COLEC12: variants seen among roughly 807,000 people sequenced by gnomAD.
COLEC12 encodes collectin-12.
COLEC12 carries 33 observed loss-of-function variants against 71.1 expected under a neutral mutation model. That is an observed-to-expected ratio of 0.46 (90% CI 0.35 to 0.62). The LOEUF (loss-of-function observed/expected upper bound fraction) is 0.62. Ranked by LOEUF, COLEC12 falls within the 20% of genes least tolerant of loss-of-function variation. The pLI is 0.00. For synonymous variants in COLEC12, 350 were observed against 353.0 expected, an observed-to-expected ratio of 0.99 and a Z score of 0.10; for missense variants, 765 against 916.1, an observed-to-expected ratio of 0.84 and a Z score of 2.13.
intron 5 of COLEC12, among the ~76,000 whole-genome samples, chr18:345,461 C>T (rs1334556733): frequency 1.3e-5 from 2 of 152,190 alleles, no homozygotes; most frequent in African/African-American, 4.8e-5. Context: ...GATCCTCCCA[C>T]CTCAGCCTCC....
rs16942920 is a variant in COLEC12, at chr18:340,940, T to C, written c.1327+5355A>G. Among the ~76,000 whole-genome samples, 1,045 of 152,308 alleles carry C rather than the reference T, an allele frequency of 6.9e-3. 11 individuals are homozygous for C. The highest frequency in any genetic ancestry group is 0.024 in the African/African-American group (983 of 41,554). ...ACCACTGTTTCTTGCCAATTGTCCA[T>C]GGTCTGCTTCTGAGCCTGTTAATGG... On this transcript the variant is annotated intron_variant, in intron 5 of 9. Transcript: ENST00000400256.
chr18:476,332 T>G (rs1056349081), intron 2 of COLEC12, among the ~76,000 whole-genome samples: 1 of 152,258 alleles, frequency 6.6e-6, no homozygotes, highest in Non-Finnish European at 1.5e-5. Flanking sequence ...TAATAATTCC[T>G]ATGCCTGAGC....
chr18:498,909 T>C (rs1002138349), intron 1 of COLEC12, among the ~76,000 whole-genome samples: 2 of 152,178 alleles, frequency 1.3e-5, no homozygotes, highest in African/African-American at 2.4e-5. Flanking sequence ...TCAAGTGCAA[T>C]AGCGGTCCTT....
At chr18:459,053 G>A (rs1176897635) in intron 2 of COLEC12, among the ~76,000 whole-genome samples, 1 of 152,136 alleles carries the variant, frequency 6.6e-6, no homozygotes, top group Non-Finnish European at 1.5e-5. Context: ...AGGTCTCCCT[G>A]TGTTGTCCAG....
intron 2 of COLEC12, among the ~76,000 whole-genome samples, chr18:422,464 G>A (rs1916116951): frequency 6.6e-6 from 1 of 152,022 alleles, no homozygotes; most frequent in Non-Finnish European, 1.5e-5. Context: ...TGAATAAAAT[G>A]TTTATTAAGT....
Position 318,126 on chromosome 18 carries a change from G to A in COLEC12, c.*1919C>T, listed in dbSNP as rs1019165016. On this transcript the variant is annotated 3_prime_UTR_variant, in exon 10 of 10. Coordinates refer to ENST00000400256, the MANE Select transcript of COLEC12 (RefSeq NM_130386.3). ...CGAGTAGCTGGGACTACAGGCGCCC[G>A]CCACCGCGCCCGGCTAATTTTTTTT... is the stretch of plus-strand genomic sequence containing the variant. 6 of 92,590 alleles carry A rather than the reference G, an allele frequency of 6.5e-5. No individual in the cohort carries two copies. The highest frequency in any genetic ancestry group is 1.5e-4 in the Non-Finnish European group (6 of 41,024). 5.7% of individuals were successfully genotyped at this position (92,590 alleles called of 1,614,324 possible).
At chr18:435,065 T>C (rs1171992492) in intron 2 of COLEC12, among the ~76,000 whole-genome samples, 1 of 152,232 alleles carries the variant, frequency 6.6e-6, no homozygotes, top group Non-Finnish European at 1.5e-5. Context: ...TATTCTGATA[T>C]TTTAATTCTT....
intron 2 of COLEC12, among the ~76,000 whole-genome samples, chr18:411,194 T>C (rs918292817): frequency 6.6e-6 from 1 of 152,180 alleles, no homozygotes; most frequent in African/African-American, 2.4e-5. Flanking sequence ...ACCTAAGCAG[T>C]AATGAGGTGA....
At chr18:340,129 A>C (rs923471491) in intron 5 of COLEC12, among the ~76,000 whole-genome samples, 1 of 151,204 alleles carries the variant, frequency 6.6e-6, no homozygotes, top group Non-Finnish European at 1.5e-5. Flanking sequence ...GTGCAGCAAC[A>C]ACTTGAATTC....
chr18:429,615 C>G (rs1390892406), intron 2 of COLEC12, among the ~76,000 whole-genome samples: 13 of 152,136 alleles, frequency 8.5e-5, no homozygotes, highest in Non-Finnish European at 2.9e-5. Context: ...CTGCTGACCT[C>G]AAGCGAACCG....
intron 1 of COLEC12, among the ~76,000 whole-genome samples, chr18:483,202 C>A (rs960055104): frequency 6.6e-6 from 1 of 151,822 alleles, no homozygotes; most frequent in Non-Finnish European, 1.5e-5. Flanking sequence ...GAGTTTGAGG[C>A]CAGCCTGGCC....
chr18:339,671 C>T lies in COLEC12; in HGVS notation c.1328-4441G>A, dbSNP rs114957483. 3.8e-3 allele frequency among the ~76,000 whole-genome samples: 584 copies of T among 152,268 alleles called. 2 individuals are homozygous for T. Among genetic ancestry groups the T allele is most frequent in the African/African-American group, 0.013 (542 of 41,554 alleles). ...TGATTGGTGTCTTCCATTACAGCTG[C>T]CCCAGCCTTCCAAAAACCACAAAGG... is the stretch of plus-strand genomic sequence containing the variant. On this transcript the variant is annotated intron_variant, in intron 5 of 9. Coordinates refer to ENST00000400256, the MANE Select transcript of COLEC12 (RefSeq NM_130386.3).
chr18:368,624 G>A (rs934546832), intron 2 of COLEC12, among the ~76,000 whole-genome samples: 4 of 151,710 alleles, frequency 2.6e-5, no homozygotes, highest in Non-Finnish European at 4.4e-5. Flanking sequence ...CAGAACTTTG[G>A]GAGGCCAAGG....
chr18:454,663 T>C (rs1305379511), intron 2 of COLEC12, among the ~76,000 whole-genome samples: 1 of 152,088 alleles, frequency 6.6e-6, no homozygotes, highest in African/African-American at 2.4e-5. Flanking sequence ...GCCTGGGAGA[T>C]AAAAGTGAGA....
intron 2 of COLEC12, among the ~76,000 whole-genome samples, chr18:394,685 A>G (rs1915531532): frequency 6.6e-6 from 1 of 152,210 alleles, no homozygotes; most frequent in African/African-American, 2.4e-5. Context: ...TGAGTCCAAT[A>G]TCTTCACTTT....
In COLEC12 at chr18:500,390, G is replaced by T; in HGVS notation, c.7+118C>A. On this transcript the variant is annotated intron_variant, in intron 1 of 9. Transcript: ENST00000400256. This position sits in a 1 kb window ranked among gnomAD's most constrained non-coding sequence, Gnocchi z 5.3. Reference sequence around the variant, plus strand: ...ACGAACCCGGCGCCCTGGCAGCCCCGACTCCCCGGGCCCGCAGCCCAAGGG... The same window carrying T: ...ACGAACCCGGCGCCCTGGCAGCCCCTACTCCCCGGGCCCGCAGCCCAAGGG... 2 of 582,438 alleles carry T rather than the reference G, an allele frequency of 3.4e-6. No individual in the cohort carries two copies. The highest frequency in any genetic ancestry group is 7.9e-5 in the South Asian group (1 of 12,650). 36.1% of individuals were successfully genotyped at this position (582,438 alleles called of 1,614,324 possible).
rs1171890733 is a variant in COLEC12, at chr18:392,463, A to C, written c.59-34941T>G. 5.6e-4 allele frequency among the ~76,000 whole-genome samples: 86 copies of C among 152,214 alleles called. 2 individuals are homozygous for C. The highest frequency in any genetic ancestry group is 2.9e-5 in the Non-Finnish European group (2 of 68,044). On this transcript the variant is annotated intron_variant, in intron 2 of 9. Transcript: ENST00000400256. ...TTATGCAATTTAAATTACATACTGG[A>C]TGGGAATATAGTTTATAAATTATAC... is the stretch of plus-strand genomic sequence containing the variant.
intron 2 of COLEC12, among the ~76,000 whole-genome samples, chr18:386,273 C>T (rs1010456407): frequency 6.6e-6 from 1 of 152,166 alleles, no homozygotes; most frequent in Non-Finnish European, 1.5e-5. Flanking sequence ...ACCAACTGTA[C>T]AAGTCATGTT....
chr18:384,236 T>C lies in COLEC12; in HGVS notation c.59-26714A>G, dbSNP rs114948955. ...GGTCTCTGCTTGTGGGTCCCAGGCA[T>C]GCATCCAGCGGATCGCAGTGTGCAG... On this transcript the variant is annotated intron_variant, in intron 2 of 9. Transcript: ENST00000400256. Among the ~76,000 whole-genome samples the C allele has an allele frequency of 5.8e-3, 881 of 152,210 alleles. 11 individuals are homozygous for C. The highest frequency in any genetic ancestry group is 0.02 in the African/African-American group (816 of 41,528).
Sources: allele counts gnomAD v4.1 joint callset (sites outside exome capture counted in the v4.1 genomes callset), GRCh38; gene constraint gnomAD v4.1.1; non-coding constraint Gnocchi (gnomAD v3.1); transcripts MANE v1.5; gene names NCBI Gene and HGNC (gene_info 2026-07-23, HGNC 2026-07-21).